The following DDX60L variants were observed in gnomAD, a reference collection of about 807,000 sequenced individuals.
DDX60L encodes the protein probable ATP-dependent RNA helicase DDX60-like.
In DDX60L, 191 loss-of-function variants were observed where a neutral mutation model predicts 211.6. The ratio of observed to expected loss-of-function variants is 0.90; its 90% CI spans 0.80 to 1.02. The LOEUF (loss-of-function observed/expected upper bound fraction) is 1.02. Ranked by LOEUF, DDX60L falls within the 50% of genes least tolerant of loss-of-function variation. The probability of loss-of-function intolerance (pLI) is 0.00; values close to 1 mark genes in which losing one functional copy is unlikely to be tolerated. For synonymous variants in DDX60L, 706 were observed against 694.1 expected (o/e 1.02, Z -0.27); for missense variants, 2,007 against 1,984.1 (o/e 1.01, Z -0.22).
At chr4:168,378,563 T>G in intron 32 of DDX60L, 88 bp from the exon 33 acceptor site, 1 of 1,126,570 alleles carries the variant, frequency 8.9e-7, no homozygotes, top group Non-Finnish European at 1.2e-6. Flanking sequence ...GTACATTTCC[T>G]TTTGTTGAAG....
chr4:168,401,104 A>G, intron 25 of DDX60L, 126 bp from the exon 26 acceptor site: 1 of 824,790 alleles, frequency 1.2e-6, no homozygotes, highest in South Asian at 1.9e-5. Flanking sequence ...GCACTCTAAA[A>G]TTTAAACTGA....
chr4:168,371,463 T>C lies in DDX60L; in HGVS notation c.4928+149A>G, dbSNP rs958235346. On this transcript the variant is annotated intron_variant, in intron 36 of 37. Coordinates refer to ENST00000682922, the MANE Select transcript of DDX60L (RefSeq NM_001012967.3). Reference sequence around the variant, plus strand: ...TCTTAAAAGATTAGGTATTAAAATTTCTATTTAAAAATATATAATATAAAT... The same window carrying C: ...TCTTAAAAGATTAGGTATTAAAATTCCTATTTAAAAATATATAATATAAAT... 3.5e-5 allele frequency: 9 copies of C among 257,384 alleles called. No individual in the cohort carries two copies. The Admixed American group carries it at 4.0e-4, about 12-fold the overall frequency. The allele number at this position is 257,384 out of a possible 1,614,324, so 15.9% of individuals were successfully genotyped here. A position where few individuals can be genotyped will look rare whatever the true frequency, so the allele number is the denominator to read the frequency against.
chr4:168,469,358 A>C (rs1040230446), intron 4 of DDX60L: 2 of 152,218 alleles, frequency 1.3e-5, no homozygotes, highest in African/African-American at 4.8e-5. Context: ...TCAATCCCCC[A>C]TTCACACCAC....
chr4:168,365,142 A>T (rs1034166734), intron 36 of DDX60L, among the ~76,000 whole-genome samples: 2 of 152,170 alleles, frequency 1.3e-5, no homozygotes, highest in Non-Finnish European at 2.9e-5. Context: ...GAACAAACTA[A>T]ACCCAAAACT....
At chr4:168,414,596 G>A (rs1749223626) in intron 22 of DDX60L, among the ~76,000 whole-genome samples, 1 of 151,982 alleles carries the variant, frequency 6.6e-6, no homozygotes, top group South Asian at 2.1e-4. Flanking sequence ...GCCAAGATTT[G>A]GAAGAAACCT....
Position 168,415,482 on chromosome 4 carries a change from G to A in DDX60L, c.2905C>T (p.His969Tyr). The change falls in exon 22 of 38, where the codon CAT (histidine) becomes TAT (tyrosine). Residue 969 changes from histidine (H) to tyrosine (Y), a missense_variant. His to Tyr is a moderately conservative substitution (Grantham distance 83). Transcript: ENST00000682922. ...CGERYNDLEK[H>Y]ICSVKHDDVY... Reference sequence around the variant, plus strand: ...TCATCATGTTTTACTGAACATATATGCTTCTCTAAATCATTGTATCTCTCT... The same window carrying A: ...TCATCATGTTTTACTGAACATATATACTTCTCTAAATCATTGTATCTCTCT... The A allele has an allele frequency of 1.2e-6, 2 of 1,603,728 alleles. No individual in the cohort carries two copies. Among genetic ancestry groups the A allele is most frequent in the Non-Finnish European group, 1.7e-6 (2 of 1,173,466 alleles).
At chr4:168,446,167 G>A (rs1015230629) in intron 9 of DDX60L, among the ~76,000 whole-genome samples, 8 of 151,908 alleles carry the variant, frequency 5.3e-5, no homozygotes, top group African/African-American at 1.9e-4. Context: ...AAGCTGATAA[G>A]CAACTTCAGC....
intron 8 of DDX60L, among the ~76,000 whole-genome samples, chr4:168,449,805 T>TTA (rs1554017225): frequency 0.028 from 2,160 of 77,646 alleles, 64 homozygotes; most frequent in African/African-American, 0.087. Flanking sequence ...TGGGTAAAAA[T>TTA]AAAAAAAAAA....
rs1328243924 is a variant in DDX60L, at chr4:168,433,018, A to T, written c.1392T>A (p.Ile464=). 2 of 1,604,788 alleles carry T rather than the reference A, an allele frequency of 1.2e-6. No homozygotes were observed. Among genetic ancestry groups the T allele is most frequent in the Non-Finnish European group, 1.7e-6 (2 of 1,174,652 alleles). ...CTTCATTAACTCTGTACCTCTTTAG[A>T]ATAGGCAAATCCTTCATCATATCTC... ...FVGDMMKDLP[I]LKSDDPVVPS... is the part of the protein sequence containing the mutation. The change falls in exon 11 of 38, where the codon ATT becomes ATA. Residue 464 remains isoleucine, a synonymous_variant. Coordinates refer to ENST00000682922, the MANE Select transcript of DDX60L (RefSeq NM_001012967.3).
At chr4:168,446,124 G>A (rs1263886627) in intron 9 of DDX60L, among the ~76,000 whole-genome samples, 1 of 150,620 alleles carries the variant, frequency 6.6e-6, no homozygotes, top group Non-Finnish European at 1.5e-5. Context: ...TGTATATCTA[G>A]AAAACCCCAT....
Position 168,378,434 on chromosome 4 carries a change from A to G in DDX60L, c.4405T>C (p.Leu1469=). Residue 1469 remains leucine, a synonymous_variant, in exon 33 of 38, where the codon TTA becomes CTA. Coordinates refer to ENST00000682922, the MANE Select transcript of DDX60L (RefSeq NM_001012967.3). ...FSQDVMEKLV[L]VLANLFGRKY... ...CTTCCAAACAAATTTGCCAATACTA[A>G]CACGAGCTTTTCCATCACATCTTGG... is the stretch of plus-strand genomic sequence containing the variant. 1 of 1,577,526 alleles carries G rather than the reference A, an allele frequency of 6.3e-7. No homozygotes were observed. Among genetic ancestry groups the G allele is most frequent in the Non-Finnish European group, 8.6e-7 (1 of 1,159,150 alleles).
intron 34 of DDX60L, among the ~76,000 whole-genome samples, chr4:168,375,054 G>A (rs992158839): frequency 6.6e-6 from 1 of 152,154 alleles, no homozygotes; most frequent in African/African-American, 2.4e-5. Context: ...TTTTTCATCT[G>A]TCACTTTTTC....
Position 168,441,325 on chromosome 4 carries a change from C to A in DDX60L, c.1294+12G>T. ...CATGCTTTTGTTCCACTTTAATTTACCCATTTAGTACCTTGAATGACCGAT... is the reference window on the plus strand; with the variant it reads ...CATGCTTTTGTTCCACTTTAATTTAACCATTTAGTACCTTGAATGACCGAT... On this transcript the variant is annotated intron_variant, in intron 10 of 37. Coordinates refer to ENST00000682922, the MANE Select transcript of DDX60L (RefSeq NM_001012967.3). 6.4e-7 allele frequency: 1 copy of A among 1,570,346 alleles called. No homozygotes were observed.
At chr4:168,409,126 G>T (rs1350206324) in intron 22 of DDX60L, among the ~76,000 whole-genome samples, 1 of 152,188 alleles carries the variant, frequency 6.6e-6, no homozygotes, top group Non-Finnish European at 1.5e-5. Flanking sequence ...TTAACCAGTT[G>T]TCTAAGCATT....
rs77297047 is a variant in DDX60L, at chr4:168,440,248, C to G, written c.1294+1089G>C. On this transcript the variant is annotated intron_variant, in intron 10 of 37. Coordinates refer to ENST00000682922, the MANE Select transcript of DDX60L (RefSeq NM_001012967.3). Reference sequence around the variant, plus strand: ...TCACACACACACAAAAAAAGATTGACAAGGCTGGGAAGCAATTCTAAAATT... The same window carrying G: ...TCACACACACACAAAAAAAGATTGAGAAGGCTGGGAAGCAATTCTAAAATT... Among the ~76,000 whole-genome samples, 984 of 152,226 alleles carry G rather than the reference C, an allele frequency of 6.5e-3. 12 individuals carry two copies. The highest frequency in any genetic ancestry group is 0.02 in the African/African-American group (814 of 41,528).
rs1287349161 is a variant in DDX60L, at chr4:168,415,427, G to A, written c.2960C>T (p.Ala987Val). 2 of 1,605,298 alleles carry A rather than the reference G, an allele frequency of 1.2e-6. No individual in the cohort carries two copies. Among genetic ancestry groups the A allele is most frequent in the African/African-American group, 1.3e-5 (1 of 74,710 alleles). The change falls in exon 22 of 38, where the codon GCT (alanine) becomes GTT (valine). Residue 987 changes from alanine (A) to valine (V), a missense_variant. Physicochemically the swap from Ala to Val is moderately conservative, Grantham distance 64 (BLOSUM62 0). Transcript: ENST00000682922. ...DVYFDHFHPC[A>V]ALTTDIIEKY... Reference sequence around the variant, plus strand: ...ACTTACAATATCTGTCGTTAGCGCAGCACAGGGATGAAAATGATCAAAATA... The same window carrying A: ...ACTTACAATATCTGTCGTTAGCGCAACACAGGGATGAAAATGATCAAAATA...
Position 168,406,017 on chromosome 4 carries a change from G to C in DDX60L, c.3146C>G (p.Ala1049Gly), listed in dbSNP as rs753846522. 5.0e-6 allele frequency: 8 copies of C among 1,601,674 alleles called. No homozygotes were observed. The highest frequency in any genetic ancestry group is 6.8e-6 in the Non-Finnish European group (8 of 1,174,922). The part of the protein sequence containing the change: ...KNKIVIKKLD[A>G]RKYEENLKAE... ...CTTTAAGTTTTCTTCATATTTTCTA[G>C]CATCCAACTTCTTAATGACTATCTT... The change falls in exon 24 of 38, where the codon GCT (alanine) becomes GGT (glycine). Residue 1049 changes from alanine (A) to glycine (G), a missense_variant. Coordinates refer to ENST00000682922, the MANE Select transcript of DDX60L (RefSeq NM_001012967.3).
chr4:168,366,518 G>T lies in DDX60L; in HGVS notation c.4928+5094C>A, dbSNP rs940077876. Among the ~76,000 whole-genome samples, 3 of 151,496 alleles carry T rather than the reference G, an allele frequency of 2.0e-5. No homozygotes were observed. In the East Asian group the frequency reaches 5.8e-4, roughly 29 times the overall value. On this transcript the variant is annotated intron_variant, in intron 36 of 37. Transcript: ENST00000682922. Reference sequence around the variant, plus strand: ...AATGAAAAGATATTCCACGTTCAGGGAATGAAAAAAATAGTATTGTTAAAA... The same window carrying T: ...AATGAAAAGATATTCCACGTTCAGGTAATGAAAAAAATAGTATTGTTAAAA...
chr4:168,427,132 C>A lies in DDX60L; in HGVS notation c.1868G>T (p.Gly623Val). The A allele has an allele frequency of 6.2e-7, 1 of 1,608,696 alleles. No individual in the cohort carries two copies. Among genetic ancestry groups the A allele is most frequent in the South Asian group, 1.1e-5 (1 of 90,284 alleles). ...GGCAATTAATCCTAACATTTCAACTCCAAATTTCACTGAATTACTTGCACA... is the reference window on the plus strand; with the variant it reads ...GGCAATTAATCCTAACATTTCAACTACAAATTTCACTGAATTACTTGCACA... ...TSCASNSVKF[G>V]VEMLGLIACF... The change falls in exon 14 of 38, where the codon GGA (glycine) becomes GTA (valine). Residue 623 changes from glycine to valine, a missense_variant. Transcript: ENST00000682922.
Sources: gnomAD v4.1 joint callset for allele counts (sites outside exome capture counted in the v4.1 genomes callset) on GRCh38, gnomAD v4.1.1 for gene constraint, MANE v1.5 for transcripts, NCBI Gene and HGNC (gene_info 2026-07-23, HGNC 2026-07-21) for gene names.